Variants in LRRC1 observed in about 807,000 individuals in gnomAD.
LRRC1 encodes leucine-rich repeat-containing protein 1.
Under a neutral mutation model 69.9 loss-of-function variants are expected in LRRC1, and 28 were observed. The ratio of observed to expected loss-of-function variants is 0.40; its 90% confidence interval spans 0.30 to 0.55. The LOEUF (loss-of-function observed/expected upper bound fraction) is 0.55, where lower values mean the gene tolerates loss of function less well. LRRC1 is among the 20% of genes least tolerant of loss of function. LRRC1 has a pLI of 0.47. For missense variants in LRRC1, 498 were observed against 609.0 expected, an observed-to-expected ratio of 0.82 and a Z score of 1.92; for synonymous variants, 236 against 240.2, an observed-to-expected ratio of 0.98 and a Z score of 0.16.
At chr6:53,914,770 T>A (rs568175723) in intron 11 of LRRC1, among the ~76,000 whole-genome samples, 1 of 152,200 alleles carries the variant, frequency 6.6e-6, no homozygotes, top group African/African-American at 2.4e-5. Flanking sequence ...CACTCAAGCT[T>A]TATTTTCTCC....
At chr6:53,899,626 A>G in intron 7 of LRRC1, 121 bp from the exon 8 acceptor site, 1 of 892,726 alleles carries the variant, frequency 1.1e-6, no homozygotes, top group Non-Finnish European at 1.7e-6. Flanking sequence ...ATTTGGATTC[A>G]TGCTAAAGAT....
At chr6:53,882,645 T>C (rs995076137) in intron 3 of LRRC1, among the ~76,000 whole-genome samples, 1 of 152,202 alleles carries the variant, frequency 6.6e-6, no homozygotes, top group African/African-American at 2.4e-5. Context: ...CTTTAATTAT[T>C]TCTAGATCAC....
chr6:53,828,546 A>G (rs1318314144), intron 1 of LRRC1, among the ~76,000 whole-genome samples: 2 of 152,254 alleles, frequency 1.3e-5, no homozygotes, highest in Admixed American at 1.3e-4. Context: ...CTGACTTTGC[A>G]GTAAGATGCT....
chr6:53,912,386 A>C (rs986551519), intron 10 of LRRC1, among the ~76,000 whole-genome samples: 14 of 152,222 alleles, frequency 9.2e-5, no homozygotes, highest in African/African-American at 2.9e-4. Context: ...TTCTATAAAA[A>C]ACAATGGGAT....
intron 9 of LRRC1, 150 bp from the exon 10 acceptor site, chr6:53,904,229 G>T (rs2127438365): frequency 1.8e-6 from 1 of 546,982 alleles, no homozygotes. Context: ...ACCCCCTAAG[G>T]GAACATTACA....
chr6:53,841,838 C>T (rs989678041), intron 1 of LRRC1, among the ~76,000 whole-genome samples: 1 of 152,030 alleles, frequency 6.6e-6, no homozygotes, highest in Non-Finnish European at 1.5e-5. Context: ...AGTGACTGTT[C>T]TTTAAGTTGC....
At chr6:53,881,610 T>C (rs1444635839) in intron 3 of LRRC1, among the ~76,000 whole-genome samples, 1 of 152,170 alleles carries the variant, frequency 6.6e-6, no homozygotes, top group Non-Finnish European at 1.5e-5. Context: ...TGGATTTGGT[T>C]TTGAAGTTTG....
chr6:53,851,687 A>G (rs1257194230), intron 2 of LRRC1, among the ~76,000 whole-genome samples: 2 of 152,306 alleles, frequency 1.3e-5, no homozygotes, highest in East Asian at 3.9e-4. Context: ...CATCACACCT[A>G]GTAAACATAG....
intron 1 of LRRC1, among the ~76,000 whole-genome samples, chr6:53,841,850 C>T (rs1304938713): frequency 1.3e-5 from 2 of 152,012 alleles, no homozygotes; most frequent in Non-Finnish European, 2.9e-5. Flanking sequence ...TTAAGTTGCT[C>T]ATTAATTTTT....
intron 8 of LRRC1, among the ~76,000 whole-genome samples, chr6:53,902,257 T>G (rs1768082886): frequency 6.6e-6 from 1 of 152,136 alleles, no homozygotes; most frequent in African/African-American, 2.4e-5. Context: ...TTTAATAAAC[T>G]ATTTTTTTTT....
chr6:53,854,173 G>A (rs1443860341), intron 2 of LRRC1, among the ~76,000 whole-genome samples: 2 of 152,206 alleles, frequency 1.3e-5, no homozygotes, highest in South Asian at 2.1e-4. Flanking sequence ...GCTTCAAGCA[G>A]CCAATAAGCT....
At chr6:53,804,922 G>T (rs1424361071) in intron 1 of LRRC1, among the ~76,000 whole-genome samples, 1 of 152,174 alleles carries the variant, frequency 6.6e-6, no homozygotes, top group Non-Finnish European at 1.5e-5. Flanking sequence ...GTAAAGTGAT[G>T]TATTAAAGGA....
At chr6:53,873,601 G>A (rs937967341) in intron 2 of LRRC1, among the ~76,000 whole-genome samples, 4 of 151,990 alleles carry the variant, frequency 2.6e-5, no homozygotes, top group Admixed American at 2.6e-4. Flanking sequence ...GCCCGGCCGG[G>A]AAATGCTACT....
intron 4 of LRRC1, among the ~76,000 whole-genome samples, chr6:53,886,534 A>G (rs752970987): frequency 6.6e-6 from 1 of 152,186 alleles, no homozygotes; most frequent in Non-Finnish European, 1.5e-5. Context: ...TGAATAGGGT[A>G]GGCTCGCTGA....
At chr6:53,797,259 G>T (rs1278910175) in intron 1 of LRRC1, among the ~76,000 whole-genome samples, 2 of 151,984 alleles carry the variant, frequency 1.3e-5, no homozygotes, top group Non-Finnish European at 2.9e-5. Flanking sequence ...CTGTAAATAT[G>T]GTAAATAAAC....
At chr6:53,870,822 A>G (rs921500434) in intron 2 of LRRC1, among the ~76,000 whole-genome samples, 10 of 152,024 alleles carry the variant, frequency 6.6e-5, no homozygotes, top group African/African-American at 2.4e-4. Flanking sequence ...TCTCTTAATC[A>G]CTATTCAACT....
chr6:53,821,971 A>G (rs1765129960), intron 1 of LRRC1, among the ~76,000 whole-genome samples: 1 of 150,442 alleles, frequency 6.6e-6, no homozygotes, highest in Non-Finnish European at 1.5e-5. Context: ...GAATGGTATC[A>G]GTCAAAAGCA....
At chr6:53,915,851 G>A (rs1425098556) in intron 11 of LRRC1, among the ~76,000 whole-genome samples, 1 of 152,144 alleles carries the variant, frequency 6.6e-6, no homozygotes, top group African/African-American at 2.4e-5. Context: ...AAAAGTATCA[G>A]TATAGAAACT....
intron 1 of LRRC1, among the ~76,000 whole-genome samples, chr6:53,813,359 G>T (rs572167386): frequency 2.9e-4 from 44 of 152,152 alleles, no homozygotes; most frequent in African/African-American, 1.0e-3. Flanking sequence ...CTCCATGAGG[G>T]ACCAAAAAAT....
Sources: allele counts gnomAD v4.1 joint callset (sites outside exome capture counted in the v4.1 genomes callset), GRCh38; gene constraint gnomAD v4.1.1; transcripts MANE v1.5; gene names NCBI Gene and HGNC (gene_info 2026-07-23, HGNC 2026-07-21).